The following EPM2A variants were observed in gnomAD, a reference collection of about 807,000 sequenced individuals.
EPM2A encodes the protein EPM2A glucan phosphatase, laforin.
In EPM2A, 21 loss-of-function variants were observed where a neutral mutation model predicts 26.5. The observed-to-expected ratio is 0.79, with a 90% confidence interval of 0.56 to 1.14. The LOEUF (loss-of-function observed/expected upper bound fraction) is 1.14. Among genes scored for constraint, EPM2A ranks in the 50% most tolerant of loss-of-function variants. The pLI is 0.00. For missense variants in EPM2A, 458 were observed against 440.8 expected (o/e 1.04, Z -0.35); for synonymous variants, 217 against 177.6 (o/e 1.22, Z -1.76).
At chr6:145,422,076 T>TATATAGAG (rs368615331) in intron 4 of EPM2A, among the ~76,000 whole-genome samples, 25 of 138,660 alleles carry the variant, frequency 1.8e-4, no homozygotes, top group African/African-American at 6.4e-4. Context: ...TATATATATA[T>TATATAGAG]AGAGAGAGAG....
intron 2 of EPM2A, among the ~76,000 whole-genome samples, chr6:145,572,487 T>A (rs1274935342): frequency 2.6e-5 from 4 of 152,198 alleles, no homozygotes; most frequent in Non-Finnish European, 5.9e-5. Flanking sequence ...TATGGCTAGA[T>A]GGGTCAGAAA....
At chr6:145,454,668 A>G (rs914240293) in intron 4 of EPM2A, among the ~76,000 whole-genome samples, 2 of 152,338 alleles carry the variant, frequency 1.3e-5, no homozygotes, top group Admixed American at 6.5e-5. Flanking sequence ...TTGATTTTCT[A>G]TAATCCCAAA....
chr6:145,492,123 TC>T, intron 4 of EPM2A: 1 of 216,870 alleles, frequency 4.6e-6, no homozygotes, highest in Non-Finnish European at 9.1e-6. Flanking sequence ...TCATGGTCTG[TC>T]CTCCTTCTGA....
At chr6:145,732,397 G>A (rs1326891909) in intron 1 of EPM2A, among the ~76,000 whole-genome samples, 1 of 99,464 alleles carries the variant, frequency 1.0e-5, no homozygotes, top group African/African-American at 4.3e-5. Context: ...ACATATATCA[G>A]AAACACACAC....
At chr6:145,658,999 C>T (rs1778492182) in intron 2 of EPM2A, among the ~76,000 whole-genome samples, 1 of 152,108 alleles carries the variant, frequency 6.6e-6, no homozygotes, top group Non-Finnish European at 1.5e-5. Flanking sequence ...TTAGTTAACT[C>T]ATTCAAATAG....
chr6:145,598,488 ATATCTGATGGAT>A (rs560790849), intron 2 of EPM2A, among the ~76,000 whole-genome samples: 98 of 152,210 alleles, frequency 6.4e-4, no homozygotes, highest in African/African-American at 2.0e-3. Context: ...GTAAAAGATA[ATATCTGATGGAT>A]ATTAGACCTT....
At chr6:145,408,833 G>A (rs1385610164) in intron 4 of EPM2A, among the ~76,000 whole-genome samples, 2 of 152,074 alleles carry the variant, frequency 1.3e-5, no homozygotes, top group Non-Finnish European at 2.9e-5. Flanking sequence ...CTGCTTCCTA[G>A]ATGGCACTTT....
In EPM2A at chr6:145,422,048, T is replaced by C. The variant is rs186968077; in HGVS notation, c.556-37951A>G. ...TAAAAATATTAGGTTAAATAGAATA[T>C]ATATGAGTGTATATATATATATATA... is the stretch of plus-strand genomic sequence containing the variant. On this transcript the variant is annotated intron_variant, in intron 4 of 4. Coordinates refer to the EPM2A transcript ENST00000638717. 1.7e-3 allele frequency among the ~76,000 whole-genome samples: 202 copies of C among 116,472 alleles called. 1 individual carries two copies. Among genetic ancestry groups the C allele is most frequent in the Non-Finnish European group, 1.6e-3 (85 of 53,674 alleles). The allele number at this position is 116,472 out of a possible 152,430, so 76.4% of individuals were successfully genotyped here.
intron 2 of EPM2A, among the ~76,000 whole-genome samples, chr6:145,515,737 C>A (rs405206): frequency 0.36 from 54,410 of 152,012 alleles, 10,308 homozygotes; most frequent in South Asian, 0.51. Flanking sequence ...ATTCAAACCA[C>A]AGTAAGGCAC....
chr6:145,594,407 G>A (rs975563599), intron 2 of EPM2A, among the ~76,000 whole-genome samples: 14 of 151,570 alleles, frequency 9.2e-5, no homozygotes, highest in African/African-American at 1.7e-4. Context: ...TTCCCATAAC[G>A]TCTTCCAGAA....
At chr6:145,415,007 T>G (rs1477810979) in intron 4 of EPM2A, among the ~76,000 whole-genome samples, 1 of 152,226 alleles carries the variant, frequency 6.6e-6, no homozygotes. Flanking sequence ...TCTTGTTCAC[T>G]CTACCTGTGC....
intron 1 of EPM2A, among the ~76,000 whole-genome samples, chr6:145,723,738 C>A (rs751918498): frequency 2.0e-5 from 3 of 152,070 alleles, no homozygotes; most frequent in Non-Finnish European, 4.4e-5. Context: ...CAGGGCATTT[C>A]CAAACCATGA....
At chr6:145,431,825 T>C (rs759152739) in intron 4 of EPM2A, among the ~76,000 whole-genome samples, 19 of 152,336 alleles carry the variant, frequency 1.2e-4, no homozygotes, top group Admixed American at 3.3e-4. Flanking sequence ...TTTGACTTAA[T>C]AGCATTTTAC....
At chr6:145,700,384 TG>T (rs766980651) in intron 1 of EPM2A, among the ~76,000 whole-genome samples, 6 of 152,138 alleles carry the variant, frequency 3.9e-5, no homozygotes, top group Non-Finnish European at 8.8e-5. Context: ...TTTTCCTTCA[TG>T]GCACTCTCAG....
At chr6:145,490,942 T>C in intron 4 of EPM2A, 1 of 798,200 alleles carries the variant, frequency 1.3e-6, no homozygotes. Context: ...GTGTGTACTT[T>C]ATGGATGCTT....
At chr6:145,541,177 CTGTGTGTGTGTGTG>C (rs5880647) in intron 2 of EPM2A, among the ~76,000 whole-genome samples, 2 of 147,156 alleles carry the variant, frequency 1.4e-5, no homozygotes, top group Admixed American at 1.4e-4. Context: ...ATATATATAT[CTGTGTGTGTGTGTG>C]TGTGTGTGTG....
At chr6:145,613,795 TC>T (rs1775448153) in intron 2 of EPM2A, among the ~76,000 whole-genome samples, 1 of 152,190 alleles carries the variant, frequency 6.6e-6, no homozygotes, top group South Asian at 2.1e-4. Flanking sequence ...AGATGTACTG[TC>T]CTCCAAGATT....
At chr6:145,601,405 G>A (rs377327879) in intron 2 of EPM2A, among the ~76,000 whole-genome samples, 108 of 152,182 alleles carry the variant, frequency 7.1e-4, no homozygotes, top group African/African-American at 2.5e-3. Flanking sequence ...TGACAGTGGT[G>A]GTAGTAGTAC....
intron 4 of EPM2A, among the ~76,000 whole-genome samples, chr6:145,442,125 TC>T (rs959676647): frequency 1.3e-5 from 2 of 152,172 alleles, no homozygotes; most frequent in Non-Finnish European, 2.9e-5. Context: ...GATTTCATTG[TC>T]CGTATCATTA....
Sources: gnomAD v4.1 joint callset for allele counts (sites outside exome capture counted in the v4.1 genomes callset) on GRCh38, gnomAD v4.1.1 for gene constraint, MANE v1.5 for transcripts, NCBI Gene and HGNC (gene_info 2026-07-23, HGNC 2026-07-21) for gene names.